The following ZBTB20 variants were observed in gnomAD, a reference collection of about 807,000 sequenced individuals.
The protein encoded by ZBTB20 is zinc finger and BTB domain containing 20.
A neutral mutation model predicts 56.9 loss-of-function variants in ZBTB20; 9 were observed. The observed-to-expected ratio is 0.16, with a 90% confidence interval of 0.10 to 0.28. ZBTB20 has a LOEUF of 0.28. Among genes scored for constraint, ZBTB20 ranks in the 10% least tolerant of loss-of-function variants. The pLI, the probability that ZBTB20 is intolerant of heterozygous loss-of-function variation, is 1.00. For synonymous variants in ZBTB20, 417 were observed against 420.7 expected, an observed-to-expected ratio of 0.99 and a Z score of 0.11; for missense variants, 655 against 1,003.0, an observed-to-expected ratio of 0.65 and a Z score of 4.69.
chr3:114,448,278 A>AG (rs1291957416), intron 7 of ZBTB20, among the ~76,000 whole-genome samples: 1 of 151,988 alleles, frequency 6.6e-6, no homozygotes, highest in African/African-American at 2.4e-5. Context: ...AAAATTCAAG[A>AG]GGAAAAAAAA....
Position 114,595,694 on chromosome 3 carries a change from C to A in ZBTB20, c.-294-95303G>T, listed in dbSNP as rs147579112. On this transcript the variant is annotated intron_variant, in intron 6 of 11. Transcript: ENST00000675478. ...TAAAAACTGGGCAAAGTCTTGCATG[C>A]TTATCCTAGGTTGGACACAGATCTC... 1.1e-4 allele frequency among the ~76,000 whole-genome samples: 16 copies of A among 152,310 alleles called. No individual in the cohort carries two copies. The East Asian group carries it at 3.1e-3, about 29-fold the overall frequency.
chr3:115,107,440 T>TA (rs965076120), intron 1 of ZBTB20, among the ~76,000 whole-genome samples: 5 of 151,382 alleles, frequency 3.3e-5, no homozygotes, highest in Non-Finnish European at 7.4e-5. Flanking sequence ...AAAAGTTTGT[T>TA]AAAAAAAGTA....
intron 1 of ZBTB20, among the ~76,000 whole-genome samples, chr3:115,104,376 C>G (rs2083664237): frequency 6.6e-6 from 1 of 152,154 alleles, no homozygotes; most frequent in South Asian, 2.1e-4. Context: ...CTTATGCCCA[C>G]ACAAAAACCT....
chr3:114,503,505 TGATAC>T (rs1478492752), intron 6 of ZBTB20, among the ~76,000 whole-genome samples: 3 of 152,246 alleles, frequency 2.0e-5, no homozygotes, highest in Non-Finnish European at 4.4e-5. Context: ...GTTATTTCAT[TGATAC>T]ATGCTCTTTC....
Position 114,988,614 on chromosome 3 carries a change from T to C in ZBTB20, c.-506-14198A>G, listed in dbSNP as rs2078658744. Among the ~76,000 whole-genome samples, 4 of 152,224 alleles carry C rather than the reference T, an allele frequency of 2.6e-5. No individual in the cohort carries two copies. The South Asian group carries it at 6.2e-4, about 24-fold the overall frequency. On this transcript the variant is annotated intron_variant, in intron 2 of 11. Transcript: ENST00000675478. The stretch of plus-strand genomic sequence containing the variant: ...GATTTATAATCCTTTGGGTATATAC[T>C]CAGTAATGAGATGGCTGGGTCAAAT...
At chr3:115,029,483 C>T (rs1364263981) in intron 2 of ZBTB20, among the ~76,000 whole-genome samples, 1 of 150,578 alleles carries the variant, frequency 6.6e-6, no homozygotes, top group Non-Finnish European at 1.5e-5. Context: ...ATTGTAAAAG[C>T]CACAATAAAT....
In ZBTB20 at chr3:114,596,863, T is replaced by A. The variant is rs573068290; in HGVS notation, c.-294-96472A>T. On this transcript the variant is annotated intron_variant, in intron 6 of 11. Coordinates refer to ENST00000675478, the MANE Select transcript of ZBTB20 (RefSeq NM_001348800.3). ...ATAACTCCTTACACAGGATGTGAGA[T>A]CAAGCCTTCTGAATGCATTGCATTA... Among the ~76,000 whole-genome samples, 8 of 152,312 alleles carry A rather than the reference T, an allele frequency of 5.3e-5. No homozygotes were observed. In the South Asian group the frequency reaches 1.7e-3, roughly 32 times the overall value.
intron 6 of ZBTB20, chr3:114,687,792 T>A (rs1343453319): frequency 6.6e-6 from 1 of 152,180 alleles, no homozygotes; most frequent in African/African-American, 2.4e-5. Flanking sequence ...GTTCTGATTC[T>A]ACAAAGGGCT....
At chr3:114,368,733 G>C (rs948828572) in intron 10 of ZBTB20, among the ~76,000 whole-genome samples, 1 of 152,232 alleles carries the variant, frequency 6.6e-6, no homozygotes, top group Non-Finnish European at 1.5e-5. Flanking sequence ...GGCTGGAAGT[G>C]GGGGCACGCT....
chr3:114,547,358 G>C (rs1490480941), intron 6 of ZBTB20, among the ~76,000 whole-genome samples: 1 of 152,118 alleles, frequency 6.6e-6, no homozygotes, highest in African/African-American at 2.4e-5. Flanking sequence ...AGGAGATAAG[G>C]GGCCACTTGG....
At chr3:115,130,989 G>C (rs753049989) in intron 1 of ZBTB20, among the ~76,000 whole-genome samples, 1 of 152,116 alleles carries the variant, frequency 6.6e-6, no homozygotes, top group Admixed American at 6.6e-5. Flanking sequence ...TTGAACTCCC[G>C]ACCTCAGGTG....
intron 2 of ZBTB20, among the ~76,000 whole-genome samples, chr3:114,992,941 G>A (rs1420147049): frequency 6.6e-6 from 1 of 151,846 alleles, no homozygotes; most frequent in African/African-American, 2.4e-5. Context: ...ACAGATCATG[G>A]GTCACAGAAT....
At chr3:115,026,645 C>T (rs1421408550) in intron 2 of ZBTB20, among the ~76,000 whole-genome samples, 4 of 150,728 alleles carry the variant, frequency 2.7e-5, no homozygotes, top group African/African-American at 9.7e-5. Flanking sequence ...TTTTTCTCTG[C>T]TTGACTTCAA....
intron 1 of ZBTB20, among the ~76,000 whole-genome samples, chr3:115,103,319 G>A (rs1312959694): frequency 6.6e-6 from 1 of 152,142 alleles, no homozygotes; most frequent in Non-Finnish European, 1.5e-5. Flanking sequence ...CAAAATCCCA[G>A]AAAGTTATTT....
At chr3:114,926,646 T>C (rs1371852115) in intron 3 of ZBTB20, among the ~76,000 whole-genome samples, 2 of 152,168 alleles carry the variant, frequency 1.3e-5, no homozygotes, top group South Asian at 2.1e-4. Flanking sequence ...GGCAATAAAG[T>C]AGGTAATAAG....
intron 1 of ZBTB20, among the ~76,000 whole-genome samples, chr3:115,125,902 T>C (rs1358744304): frequency 1.3e-5 from 2 of 151,952 alleles, no homozygotes; most frequent in African/African-American, 2.4e-5. Context: ...AATACACACA[T>C]ACATACAAAA....
intron 4 of ZBTB20, among the ~76,000 whole-genome samples, chr3:114,836,505 G>T (rs1292949073): frequency 6.6e-6 from 1 of 152,120 alleles, no homozygotes; most frequent in Admixed American, 6.5e-5. Flanking sequence ...GCCCCAAACA[G>T]AACTCTGGTT....
intron 1 of ZBTB20, among the ~76,000 whole-genome samples, chr3:115,145,540 A>G (rs1022551710): frequency 6.6e-6 from 1 of 152,200 alleles, no homozygotes; most frequent in Admixed American, 6.5e-5. Flanking sequence ...TCGTTGTTAC[A>G]CTGTATTGTT....
intron 6 of ZBTB20, among the ~76,000 whole-genome samples, chr3:114,620,932 T>C (rs946656562): frequency 2.0e-5 from 3 of 152,188 alleles, no homozygotes; most frequent in African/African-American, 7.2e-5. Context: ...TCTTGAAAAG[T>C]TATCAGAAAA....
Sources: gnomAD v4.1 joint callset for allele counts (sites outside exome capture counted in the v4.1 genomes callset) on GRCh38, gnomAD v4.1.1 for gene constraint, MANE v1.5 for transcripts, NCBI Gene and HGNC (gene_info 2026-07-23, HGNC 2026-07-21) for gene names.